SH3D19: variants seen among roughly 807,000 people sequenced by gnomAD.
SH3D19 encodes the protein SH3 domain containing 19.
A neutral mutation model predicts 112.1 loss-of-function variants in SH3D19; 58 were observed. That is an observed-to-expected ratio of 0.52 (90% confidence interval 0.42 to 0.64). The LOEUF is 0.64. Among genes scored for constraint, SH3D19 ranks in the 30% least tolerant of loss-of-function variants. The pLI is 0.00. For synonymous variants in SH3D19, 391 were observed against 448.5 expected (o/e 0.87, Z 1.62); for missense variants, 1,090 against 1,263.4 (o/e 0.86, Z 2.08).
intron 9 of SH3D19, among the ~76,000 whole-genome samples, chr4:151,154,064 C>T (rs1755591629): frequency 6.6e-6 from 1 of 151,732 alleles, no homozygotes; most frequent in Admixed American, 6.6e-5. Context: ...TGGGTTTATG[C>T]AATTCTCCTG....
chr4:151,133,154 G>T lies in SH3D19; in HGVS notation c.2569C>A (p.Leu857Ile). The T allele has an allele frequency of 6.2e-7, 1 of 1,614,094 alleles. No individual in the cohort carries two copies. Among genetic ancestry groups the T allele is most frequent in the Admixed American group, 1.7e-5 (1 of 60,014 alleles). ...LSFSEGEIIILKEYVNEEWAR... is the reference protein window; with the variant it reads ...LSFSEGEIIIIKEYVNEEWAR... ...CATTCCTCATTCACATACTCTTTAA[G>T]AATAATAATTTCTCCCTCTGAGAAA... Residue 857 changes from leucine to isoleucine, a missense_variant, in exon 16 of 20, where the codon CTT becomes ATT. Leu to Ile is a conservative substitution (Grantham distance 5). Coordinates refer to ENST00000604030, the MANE Select transcript of SH3D19 (RefSeq NM_001378122.1).
chr4:151,292,483 C>T (rs1775408317), intron 1 of SH3D19, among the ~76,000 whole-genome samples: 1 of 152,164 alleles, frequency 6.6e-6, no homozygotes, highest in Non-Finnish European at 1.5e-5. Flanking sequence ...AGTGGTTTAA[C>T]TTCACATCTA....
intron 1 of SH3D19, among the ~76,000 whole-genome samples, chr4:151,275,319 C>A (rs1773512353): frequency 6.6e-6 from 1 of 152,118 alleles, no homozygotes; most frequent in African/African-American, 2.4e-5. Context: ...GATCTCCTGA[C>A]CTCGTGACCC....
At chr4:151,308,042 A>G (rs1479953126) in intron 1 of SH3D19, among the ~76,000 whole-genome samples, 2 of 152,088 alleles carry the variant, frequency 1.3e-5, no homozygotes, top group African/African-American at 4.8e-5. Flanking sequence ...AATAGCTGGG[A>G]TTACAGGCAC....
intron 2 of SH3D19, among the ~76,000 whole-genome samples, chr4:151,192,401 C>T (rs1203670593): frequency 6.6e-6 from 1 of 152,126 alleles, no homozygotes; most frequent in Non-Finnish European, 1.5e-5. Flanking sequence ...AAATATATAT[C>T]ATAGTACTGG....
chr4:151,155,945 T>C (rs772631952), intron 9 of SH3D19, among the ~76,000 whole-genome samples: 2 of 151,998 alleles, frequency 1.3e-5, no homozygotes, highest in Non-Finnish European at 2.9e-5. Flanking sequence ...AAAAAAACCC[T>C]CTTAGAATTG....
At chr4:151,221,848 C>T (rs1209356538) in intron 2 of SH3D19, among the ~76,000 whole-genome samples, 1 of 152,174 alleles carries the variant, frequency 6.6e-6, no homozygotes, top group Non-Finnish European at 1.5e-5. Context: ...GGGAACTTCA[C>T]TTTAGGGTCA....
At chr4:151,148,365 T>G (rs1312573330) in intron 10 of SH3D19, among the ~76,000 whole-genome samples, 179 bp from the exon 11 acceptor site, 2 of 152,188 alleles carry the variant, frequency 1.3e-5, no homozygotes, top group Non-Finnish European at 2.9e-5. Context: ...AAACGACTGC[T>G]GCATTAAACA....
rs992712990 is a variant in SH3D19 at position 151,120,619 on chromosome 4, C to T, written c.*1472G>A. The T allele has an allele frequency of 6.6e-6, 1 of 152,138 alleles. No individual in the cohort carries two copies. Among genetic ancestry groups the T allele is most frequent in the African/African-American group, 2.4e-5 (1 of 41,422 alleles). The allele number at this position is 152,138 out of a possible 1,614,324, so 9.4% of individuals were successfully genotyped here. ...TTCTTTACCAAAACGTATTAGAAGT[C>T]CCCATAGTCCAAAATAAAATGTAAC... is the stretch of plus-strand genomic sequence containing the variant. On this transcript the variant is annotated 3_prime_UTR_variant, in exon 20 of 20. Transcript: ENST00000604030.
intron 1 of SH3D19, among the ~76,000 whole-genome samples, chr4:151,273,083 T>C (rs1194452635): frequency 6.6e-6 from 1 of 152,202 alleles, no homozygotes; most frequent in African/African-American, 2.4e-5. Flanking sequence ...ATTTAATTCT[T>C]TCCTTTTACC....
intron 1 of SH3D19, among the ~76,000 whole-genome samples, chr4:151,228,983 T>A (rs1365262213): frequency 6.6e-6 from 1 of 151,814 alleles, no homozygotes; most frequent in Non-Finnish European, 1.5e-5. Context: ...GCCTCCCAAG[T>A]AGTTGAAGTA....
At chr4:151,238,443 A>C (rs1770300150) in intron 1 of SH3D19, among the ~76,000 whole-genome samples, 1 of 152,066 alleles carries the variant, frequency 6.6e-6, no homozygotes, top group Non-Finnish European at 1.5e-5. Context: ...TAAAGATTTT[A>C]TTTTCTTTAA....
At chr4:151,184,828 T>TG (rs1403148024) in intron 3 of SH3D19, among the ~76,000 whole-genome samples, 2 of 152,124 alleles carry the variant, frequency 1.3e-5, no homozygotes, top group Non-Finnish European at 2.9e-5. Flanking sequence ...TTCCACATAT[T>TG]CTATTCATTG....
chr4:151,259,314 A>G (rs1039878750), intron 1 of SH3D19, among the ~76,000 whole-genome samples: 2 of 152,326 alleles, frequency 1.3e-5, no homozygotes, highest in Admixed American at 1.3e-4. Flanking sequence ...AAGTCAAGTA[A>G]GACACTTCAG....
At chr4:151,224,284 G>A (rs1160310612) in intron 2 of SH3D19, among the ~76,000 whole-genome samples, 1 of 152,062 alleles carries the variant, frequency 6.6e-6, no homozygotes, top group Non-Finnish European at 1.5e-5. Context: ...ACTCCAGCCT[G>A]GGAAACAGGG....
At position 151,134,997 on chromosome 4, in the gene SH3D19, T is replaced by A; in HGVS notation, c.2486+77A>T. 3.1e-6 allele frequency: 4 copies of A among 1,287,998 alleles called. No homozygotes were observed. In the South Asian group the frequency reaches 5.1e-5, roughly 16 times the overall value. The allele number at this position is 1,287,998 out of a possible 1,614,324, so 79.8% of individuals were successfully genotyped here. ...CCACCATGCCTGGCCTTGGAGTGTT[T>A]TAAGCTTGATAATTCTTCATGATAT... On this transcript the variant is annotated intron_variant, in intron 15 of 19. Coordinates refer to ENST00000604030, the MANE Select transcript of SH3D19 (RefSeq NM_001378122.1).
chr4:151,275,482 G>A (rs1228035447), intron 1 of SH3D19, among the ~76,000 whole-genome samples: 1 of 152,132 alleles, frequency 6.6e-6, no homozygotes, highest in East Asian at 1.9e-4. Flanking sequence ...AGCCTCAGTT[G>A]CCTGTAACTG....
chr4:151,133,418 C>T (rs1751163337), intron 15 of SH3D19, among the ~76,000 whole-genome samples, 182 bp from the exon 16 acceptor site: 2 of 152,088 alleles, frequency 1.3e-5, no homozygotes, highest in Non-Finnish European at 2.9e-5. Flanking sequence ...AGATATGAAC[C>T]TATTCACTCA....
chr4:151,307,734 AAC>A (rs1261593689), intron 1 of SH3D19, among the ~76,000 whole-genome samples: 3 of 152,256 alleles, frequency 2.0e-5, no homozygotes, highest in Non-Finnish European at 4.4e-5. Context: ...GCTCAGGACT[AAC>A]AAAGAAACAG....
Sources: allele counts gnomAD v4.1 joint callset (sites outside exome capture counted in the v4.1 genomes callset), GRCh38; gene constraint gnomAD v4.1.1; transcripts MANE v1.5; gene names NCBI Gene and HGNC (gene_info 2026-07-23, HGNC 2026-07-21).